KCNB2: variants seen among roughly 807,000 people sequenced by gnomAD.
The protein encoded by KCNB2 is potassium voltage-gated channel subfamily B member 2.
Under a neutral mutation model 61.5 loss-of-function variants are expected in KCNB2, and 15 were observed. The observed-to-expected ratio is 0.24, with a 90% CI of 0.16 to 0.38. The LOEUF (loss-of-function observed/expected upper bound fraction) is 0.38. KCNB2 is among the 10% of genes least tolerant of loss of function. The pLI, the probability that KCNB2 is intolerant of heterozygous loss-of-function variation, is 1.00. For synonymous variants in KCNB2, 457 were observed against 446.0 expected, an observed-to-expected ratio of 1.02 and a Z score of -0.31; for missense variants, 828 against 1,125.2, an observed-to-expected ratio of 0.74 and a Z score of 3.78.
intron 2 of KCNB2, among the ~76,000 whole-genome samples, chr8:72,718,734 A>T (rs1807492915): frequency 6.6e-6 from 1 of 152,182 alleles, no homozygotes; most frequent in African/African-American, 2.4e-5. Context: ...TAATGGGTGC[A>T]GCACACCAAC....
At chr8:72,705,840 A>G (rs144084892) in intron 2 of KCNB2, among the ~76,000 whole-genome samples, 42 of 152,334 alleles carry the variant, frequency 2.8e-4, no homozygotes, top group East Asian at 2.1e-3. Context: ...AGCACCCTCA[A>G]TGGGAGAACT....
At chr8:72,599,923 C>T (rs12545729) in intron 2 of KCNB2, among the ~76,000 whole-genome samples, 99,722 of 151,888 alleles carry the variant, frequency 0.66, 33,108 homozygotes, top group Admixed American at 0.74. Flanking sequence ...GTTAGAATGG[C>T]GATCATTAAA....
At chr8:72,924,181 T>C (rs561619760) in intron 2 of KCNB2, among the ~76,000 whole-genome samples, 1 of 152,092 alleles carries the variant, frequency 6.6e-6, no homozygotes, top group African/African-American at 2.4e-5. Flanking sequence ...GGAGAGGAGG[T>C]CAGGGTGGAA....
At chr8:72,767,841 A>G (rs1032476528) in intron 2 of KCNB2, among the ~76,000 whole-genome samples, 1 of 152,206 alleles carries the variant, frequency 6.6e-6, no homozygotes, top group South Asian at 2.1e-4. Context: ...CAGCAATGAA[A>G]GAGGGTTTCA....
intron 2 of KCNB2, among the ~76,000 whole-genome samples, chr8:72,914,046 A>C (rs1482021): frequency 6.6e-6 from 1 of 151,976 alleles, no homozygotes; most frequent in Non-Finnish European, 1.5e-5. Context: ...TATTTCTCAC[A>C]GTTCTTGAGG....
intron 2 of KCNB2, among the ~76,000 whole-genome samples, chr8:72,767,552 C>G (rs1808480244): frequency 6.6e-6 from 1 of 152,188 alleles, no homozygotes; most frequent in African/African-American, 2.4e-5. Flanking sequence ...TAACATGTGT[C>G]ACTACTTCAT....
intron 2 of KCNB2, among the ~76,000 whole-genome samples, chr8:72,920,467 A>ATGTGTGTGTG (rs1333914273): frequency 1.1e-5 from 1 of 88,668 alleles, no homozygotes; most frequent in Non-Finnish European, 2.2e-5. Flanking sequence ...CTATCTATCT[A>ATGTGTGTGTG]TCTATCTATA....
At chr8:72,772,054 C>T (rs1178801648) in intron 2 of KCNB2, among the ~76,000 whole-genome samples, 1 of 152,078 alleles carries the variant, frequency 6.6e-6, no homozygotes, top group African/African-American at 2.4e-5. Context: ...CCCACCAAAA[C>T]ACCAGTTAGG....
At position 72,606,225 on chromosome 8, in the gene KCNB2, CT is replaced by C. The variant is rs763904839; in HGVS notation, c.579+37913del. On this transcript the variant is annotated intron_variant, in intron 2 of 2. Coordinates refer to ENST00000523207, the MANE Select transcript of KCNB2 (RefSeq NM_004770.3). Reference sequence around the variant, plus strand: ...TTCACAGTATTAGGTGTAAACACTTCTCATAAAATTATTATAATAGGGAAAA... The same window carrying C: ...TTCACAGTATTAGGTGTAAACACTTCCATAAAATTATTATAATAGGGAAAA... Among the ~76,000 whole-genome samples, 763 of 152,106 alleles carry C rather than the reference CT, an allele frequency of 5.0e-3. 8 individuals are homozygous for C. Among genetic ancestry groups the C allele is most frequent in the African/African-American group, 0.015 (603 of 41,506 alleles).
chr8:72,719,199 A>G (rs1807503577), intron 2 of KCNB2, among the ~76,000 whole-genome samples: 1 of 151,906 alleles, frequency 6.6e-6, no homozygotes, highest in South Asian at 2.1e-4. Flanking sequence ...ACTGTTTTAA[A>G]CTCCTTTTGA....
At chr8:72,543,949 C>A (rs1465797428) in intron 1 of KCNB2, among the ~76,000 whole-genome samples, 4 of 152,158 alleles carry the variant, frequency 2.6e-5, no homozygotes, top group African/African-American at 9.6e-5. Flanking sequence ...AGTTTAGCGG[C>A]TGACTAAATA....
At chr8:72,542,349 C>T (rs181335699) in intron 1 of KCNB2, among the ~76,000 whole-genome samples, 2 of 152,212 alleles carry the variant, frequency 1.3e-5, no homozygotes, top group Admixed American at 1.3e-4. Flanking sequence ...CTTGAACCTA[C>T]AATTGGCTTA....
At chr8:72,579,698 A>G (rs1806860718) in intron 2 of KCNB2, among the ~76,000 whole-genome samples, 1 of 152,200 alleles carries the variant, frequency 6.6e-6, no homozygotes, top group Non-Finnish European at 1.5e-5. Context: ...GAGACTGTTA[A>G]TTGATACCTA....
intron 2 of KCNB2, among the ~76,000 whole-genome samples, chr8:72,837,200 A>G (rs7006624): frequency 0.85 from 129,794 of 152,188 alleles, 56,319 homozygotes; most frequent in Middle Eastern, 0.97. Context: ...TTTATTCACA[A>G]TCAAAAGCAC....
chr8:72,643,471 G>T (rs915097212), intron 2 of KCNB2, among the ~76,000 whole-genome samples: 1 of 152,176 alleles, frequency 6.6e-6, no homozygotes, highest in Middle Eastern at 3.4e-3. Flanking sequence ...TGCCCATTTT[G>T]TATGTCTGAC....
intron 2 of KCNB2, among the ~76,000 whole-genome samples, chr8:72,912,767 G>C (rs1222534713): frequency 6.6e-6 from 1 of 152,014 alleles, no homozygotes; most frequent in Non-Finnish European, 1.5e-5. Flanking sequence ...GACCCACATA[G>C]CCTGGAGCCA....
chr8:72,806,184 C>T (rs1197548162), intron 2 of KCNB2, among the ~76,000 whole-genome samples: 2 of 151,918 alleles, frequency 1.3e-5, no homozygotes, highest in Non-Finnish European at 2.9e-5. Flanking sequence ...ATGGTGGAAA[C>T]CCATCTCTAC....
chr8:72,572,571 CGTCT>C (rs1374510263), intron 2 of KCNB2, among the ~76,000 whole-genome samples: 1 of 145,570 alleles, frequency 6.9e-6, no homozygotes, highest in Non-Finnish European at 1.5e-5. Flanking sequence ...GCTCTCTCTG[CGTCT>C]CTCTCTCTCT....
intron 2 of KCNB2, among the ~76,000 whole-genome samples, chr8:72,684,381 T>A (rs1806813328): frequency 6.6e-6 from 1 of 152,126 alleles, no homozygotes; most frequent in Non-Finnish European, 1.5e-5. Flanking sequence ...GGGCTGCAGA[T>A]GTGGCAGCTG....
Sources: allele counts gnomAD v4.1 joint callset (sites outside exome capture counted in the v4.1 genomes callset), GRCh38; gene constraint gnomAD v4.1.1; transcripts MANE v1.5; gene names NCBI Gene and HGNC (gene_info 2026-07-23, HGNC 2026-07-21).